The following CDH13 variants were observed in gnomAD, a reference collection of about 807,000 sequenced individuals.
CDH13 encodes the protein cadherin 13.
CDH13 carries 24 observed loss-of-function variants against 63.8 expected under a neutral mutation model. The ratio of observed to expected loss-of-function variants is 0.38; its 90% confidence interval spans 0.27 to 0.53. CDH13 has a LOEUF of 0.53. CDH13 is among the 20% of genes least tolerant of loss of function. The probability of loss-of-function intolerance (pLI) is 0.85; values close to 1 mark genes in which losing one functional copy is unlikely to be tolerated. For synonymous variants in CDH13, 503 were observed against 355.3 expected (o/e 1.42, Z -4.67); for missense variants, 1,049 against 903.1 (o/e 1.16, Z -2.07).
chr16:83,791,792 C>G (rs942687755), intron 13 of CDH13, among the ~76,000 whole-genome samples: 1 of 111,218 alleles, frequency 9.0e-6, no homozygotes, highest in African/African-American at 3.5e-5. Flanking sequence ...GCCTGGGCAA[C>G]AGAGCAAGAC....
Position 82,811,242 on chromosome 16 carries a change from C to A in CDH13, c.46-47120C>A, listed in dbSNP as rs549282911. ...AAATTGGTAGCTTGAAATCAAGCCACGGTGAGAGAATTTATATCATAGAAT... is the reference window on the plus strand; with the variant it reads ...AAATTGGTAGCTTGAAATCAAGCCAAGGTGAGAGAATTTATATCATAGAAT... On this transcript the variant is annotated intron_variant, in intron 1 of 13. Coordinates refer to ENST00000567109, the MANE Select transcript of CDH13 (RefSeq NM_001257.5). 7.2e-5 allele frequency among the ~76,000 whole-genome samples: 11 copies of A among 152,146 alleles called. No individual in the cohort carries two copies. In the South Asian group the frequency reaches 1.9e-3, roughly 26 times the overall value.
chr16:83,742,085 A>C (rs1912119491), intron 10 of CDH13, among the ~76,000 whole-genome samples: 1 of 152,186 alleles, frequency 6.6e-6, no homozygotes, highest in African/African-American at 2.4e-5. Context: ...GACTTGTCAA[A>C]CCTTTGATCT....
At chr16:82,667,170 CA>C (rs1380975076) in intron 1 of CDH13, among the ~76,000 whole-genome samples, 1 of 152,172 alleles carries the variant, frequency 6.6e-6, no homozygotes, top group Non-Finnish European at 1.5e-5. Flanking sequence ...AGGAATGCAG[CA>C]GTAGGGTATT....
At chr16:83,765,538 C>CTATA (rs71717215) in intron 11 of CDH13, among the ~76,000 whole-genome samples, 1 of 150,786 alleles carries the variant, frequency 6.6e-6, no homozygotes, top group African/African-American at 2.4e-5. Context: ...TAACATTTTT[C>CTATA]TATATATATA....
At chr16:82,792,868 T>TACAA (rs1481142831) in intron 1 of CDH13, among the ~76,000 whole-genome samples, 7 of 152,204 alleles carry the variant, frequency 4.6e-5, no homozygotes, top group Non-Finnish European at 1.0e-4. Flanking sequence ...CGCTAATTGA[T>TACAA]TTGTAAGAAA....
chr16:83,176,464 T>G (rs1426246058), intron 4 of CDH13, among the ~76,000 whole-genome samples: 1 of 141,284 alleles, frequency 7.1e-6, no homozygotes, highest in Non-Finnish European at 1.5e-5. Flanking sequence ...GAGCCCAGAT[T>G]GCATCACTGC....
intron 1 of CDH13, among the ~76,000 whole-genome samples, chr16:82,675,612 T>G (rs1913808018): frequency 1.3e-5 from 2 of 152,118 alleles, no homozygotes; most frequent in South Asian, 4.1e-4. Flanking sequence ...CTTCAGAAAA[T>G]GTATGCAAAA....
At chr16:83,502,239 A>G (rs981117924) in intron 7 of CDH13, among the ~76,000 whole-genome samples, 9 of 152,326 alleles carry the variant, frequency 5.9e-5, no homozygotes, top group Non-Finnish European at 1.0e-4. Flanking sequence ...AATTATCCAG[A>G]TGGGCCTGAT....
At position 83,796,850 on chromosome 16, in the gene CDH13, C is replaced by T. The variant is rs1384171026; in HGVS notation, c.*1820C>T. The stretch of plus-strand genomic sequence containing the variant: ...GGTAATTGCATACTCAAAGATGAGA[C>T]GGACCATTCTCAGTTGATGACCACA... On this transcript the variant is annotated 3_prime_UTR_variant, in exon 14 of 14. Transcript: ENST00000567109. The T allele has an allele frequency of 2.0e-5, 3 of 152,168 alleles. No individual in the cohort carries two copies. Among genetic ancestry groups the T allele is most frequent in the East Asian group, 1.9e-4 (1 of 5,200 alleles). The allele number at this position is 152,168 out of a possible 1,614,324, so 9.4% of individuals were successfully genotyped here.
rs991446366 is a variant in CDH13, at chr16:82,644,322, C to T, written c.45+17185C>T. 1.3e-5 allele frequency among the ~76,000 whole-genome samples: 2 copies of T among 152,124 alleles called. No homozygotes were observed. The highest frequency in any genetic ancestry group is 4.8e-5 in the African/African-American group (2 of 41,426). ...TCTGCAAATCAAGGCCCCCCGAACT[C>T]CTCCCACCCCTGCCTTCTGCGTCTC... is the stretch of plus-strand genomic sequence containing the variant. On this transcript the variant is annotated intron_variant, in intron 1 of 13. Coordinates refer to ENST00000567109, the MANE Select transcript of CDH13 (RefSeq NM_001257.5). The surrounding 1 kb of genome is among the most constrained non-coding windows in gnomAD (Gnocchi z 5.7).
At position 82,644,083 on chromosome 16, in the gene CDH13, A is replaced by G. The variant is rs1909768764; in HGVS notation, c.45+16946A>G. 6.6e-6 allele frequency among the ~76,000 whole-genome samples: 1 copy of G among 152,034 alleles called. No homozygotes were observed. Among genetic ancestry groups the G allele is most frequent in the Non-Finnish European group, 1.5e-5 (1 of 68,010 alleles). On this transcript the variant is annotated intron_variant, in intron 1 of 13. Transcript: ENST00000567109. The surrounding 1 kb of genome is among the most constrained non-coding windows in gnomAD (Gnocchi z 5.7). ...GGTGGTATGGAGGTCGGGTGGGGAGAAAGAGGAGAGAAATCTAATTGATAT... is the reference window on the plus strand; with the variant it reads ...GGTGGTATGGAGGTCGGGTGGGGAGGAAGAGGAGAGAAATCTAATTGATAT...
intron 6 of CDH13, among the ~76,000 whole-genome samples, chr16:83,361,683 A>C (rs1334267439): frequency 6.6e-6 from 1 of 152,144 alleles, no homozygotes; most frequent in Non-Finnish European, 1.5e-5. Context: ...TTGAACAGAG[A>C]GTCCTTTTCC....
intron 5 of CDH13, among the ~76,000 whole-genome samples, chr16:83,241,037 G>C (rs1293948075): frequency 2.0e-5 from 3 of 152,140 alleles, no homozygotes; most frequent in African/African-American, 7.2e-5. Flanking sequence ...CTGGTTCTGT[G>C]ATCTTGACTG....
intron 2 of CDH13, among the ~76,000 whole-genome samples, chr16:82,937,146 T>C (rs1289981169): frequency 2.0e-5 from 3 of 152,196 alleles, no homozygotes; most frequent in Non-Finnish European, 4.4e-5. Context: ...GCCTGTTCCC[T>C]CTTGATAGGG....
Position 82,730,260 on chromosome 16 carries a change from C to G in CDH13, c.45+103123C>G, listed in dbSNP as rs143570688. 3.3e-5 allele frequency among the ~76,000 whole-genome samples: 5 copies of G among 152,340 alleles called. No individual in the cohort carries two copies. In the East Asian group the frequency reaches 9.7e-4, roughly 29 times the overall value. On this transcript the variant is annotated intron_variant, in intron 1 of 13. Coordinates refer to ENST00000567109, the MANE Select transcript of CDH13 (RefSeq NM_001257.5). ...GTCTTGGCTTTCAACATACTTTCCTCACTAAGAAGCTTAATCATTCTAGCT... is the reference window on the plus strand; with the variant it reads ...GTCTTGGCTTTCAACATACTTTCCTGACTAAGAAGCTTAATCATTCTAGCT...
chr16:83,329,640 C>A (rs934209653), intron 5 of CDH13, among the ~76,000 whole-genome samples: 1 of 152,120 alleles, frequency 6.6e-6, no homozygotes, highest in Non-Finnish European at 1.5e-5. Context: ...ATCTCCGGAA[C>A]CTTTTCATCT....
At chr16:83,673,650 T>G (rs576906616) in intron 9 of CDH13, among the ~76,000 whole-genome samples, 1 of 152,312 alleles carries the variant, frequency 6.6e-6, no homozygotes, top group East Asian at 1.9e-4. Context: ...TACATTCCTG[T>G]GCTGGTCCAC....
At chr16:83,603,991 T>G (rs563495480) in intron 8 of CDH13, among the ~76,000 whole-genome samples, 2 of 152,182 alleles carry the variant, frequency 1.3e-5, no homozygotes, top group Non-Finnish European at 2.9e-5. Context: ...AATTTTATCA[T>G]GAGACAGCAC....
intron 8 of CDH13, among the ~76,000 whole-genome samples, chr16:83,667,284 C>G (rs759301096): frequency 6.6e-6 from 1 of 152,152 alleles, no homozygotes; most frequent in Non-Finnish European, 1.5e-5. Flanking sequence ...TATTCTATAC[C>G]AGCCCCTTCA....
Sources: allele counts gnomAD v4.1 joint callset (sites outside exome capture counted in the v4.1 genomes callset), GRCh38; gene constraint gnomAD v4.1.1; non-coding constraint Gnocchi (gnomAD v3.1); transcripts MANE v1.5; gene names NCBI Gene and HGNC (gene_info 2026-07-23, HGNC 2026-07-21).